ARHGAP15: variants seen among roughly 807,000 people sequenced by gnomAD.
ARHGAP15 encodes the protein rho GTPase-activating protein 15.
ARHGAP15 carries 51 observed loss-of-function variants against 63.7 expected under a neutral mutation model. The observed-to-expected ratio is 0.80, with a 90% CI of 0.64 to 1.01. The LOEUF (loss-of-function observed/expected upper bound fraction) is 1.01, where lower values mean the gene tolerates loss of function less well. ARHGAP15 is among the 50% of genes least tolerant of loss of function. The pLI, the probability that ARHGAP15 is intolerant of heterozygous loss-of-function variation, is 0.00. For synonymous variants in ARHGAP15, 191 were observed against 193.8 expected (o/e 0.99, Z 0.12); for missense variants, 560 against 564.6 (o/e 0.99, Z 0.08).
intron 11 of ARHGAP15, among the ~76,000 whole-genome samples, chr2:143,591,629 T>C (rs543202502): frequency 7.6e-4 from 98 of 128,614 alleles, no homozygotes; most frequent in African/African-American, 3.3e-3. Flanking sequence ...TTTTTTTTCT[T>C]TTTTTTTTTA....
At chr2:143,540,548 A>G (rs1041026495) in intron 10 of ARHGAP15, among the ~76,000 whole-genome samples, 2 of 152,056 alleles carry the variant, frequency 1.3e-5, no homozygotes, top group Non-Finnish European at 2.9e-5. Context: ...TGCTTCCTTC[A>G]GGAGCTCCTT....
At chr2:143,328,763 T>C (rs1398338001) in intron 6 of ARHGAP15, among the ~76,000 whole-genome samples, 1 of 151,696 alleles carries the variant, frequency 6.6e-6, no homozygotes, top group African/African-American at 2.4e-5. Context: ...AAACTACTAC[T>C]TCATAGCACA....
intron 12 of ARHGAP15, among the ~76,000 whole-genome samples, chr2:143,674,242 CT>C (rs918869815): frequency 6.6e-6 from 1 of 152,068 alleles, no homozygotes; most frequent in Admixed American, 6.6e-5. Flanking sequence ...TGAAAAATGA[CT>C]CATAAGCTCA....
chr2:143,732,918 T>TTTC (rs1685600416), intron 13 of ARHGAP15, among the ~76,000 whole-genome samples: 2 of 149,478 alleles, frequency 1.3e-5, no homozygotes, highest in African/African-American at 4.9e-5. Flanking sequence ...GGGTTTTTTT[T>TTTC]TTTTTTTTTT....
chr2:143,627,118 T>C (rs1030347275), intron 12 of ARHGAP15, among the ~76,000 whole-genome samples: 3 of 152,174 alleles, frequency 2.0e-5, no homozygotes, highest in African/African-American at 7.2e-5. Flanking sequence ...GTCTCATACT[T>C]CCAAGACTCC....
chr2:143,437,159 G>A, intron 8 of ARHGAP15, 117 bp downstream of exon 8: 1 of 1,216,046 alleles, frequency 8.2e-7, no homozygotes, highest in Non-Finnish European at 1.1e-6. Context: ...AAGATTCGTA[G>A]CCATTTCCTG....
At chr2:143,411,576 T>G (rs920006925) in intron 6 of ARHGAP15, among the ~76,000 whole-genome samples, 6 of 152,216 alleles carry the variant, frequency 3.9e-5, no homozygotes, top group African/African-American at 1.4e-4. Context: ...TTCATCTTTT[T>G]CTTGTGTACA....
intron 6 of ARHGAP15, among the ~76,000 whole-genome samples, chr2:143,430,275 A>T (rs1192359381): frequency 6.6e-6 from 1 of 151,950 alleles, no homozygotes; most frequent in East Asian, 1.9e-4. Context: ...TTTAACAAGT[A>T]ACATTTTTGG....
intron 6 of ARHGAP15, among the ~76,000 whole-genome samples, chr2:143,316,099 A>G (rs994657647): frequency 1.3e-5 from 2 of 152,132 alleles, no homozygotes; most frequent in African/African-American, 4.8e-5. Context: ...AAATAAAAAT[A>G]AAAATAAATA....
At chr2:143,219,509 A>G (rs1342974720) in intron 4 of ARHGAP15, among the ~76,000 whole-genome samples, 1 of 152,226 alleles carries the variant, frequency 6.6e-6, no homozygotes, top group African/African-American at 2.4e-5. Context: ...ATTCCAAACA[A>G]CATTTCAATA....
At chr2:143,752,220 G>C (rs1198264920) in intron 13 of ARHGAP15, among the ~76,000 whole-genome samples, 1 of 152,094 alleles carries the variant, frequency 6.6e-6, no homozygotes, top group South Asian at 2.1e-4. Flanking sequence ...CAATCAGTGA[G>C]CCTAGTTCTG....
chr2:143,658,794 A>C (rs890334076), intron 12 of ARHGAP15, among the ~76,000 whole-genome samples: 6 of 152,160 alleles, frequency 3.9e-5, no homozygotes, highest in Admixed American at 1.3e-4. Flanking sequence ...ATCTCAAACA[A>C]ACACTTCCTT....
intron 10 of ARHGAP15, among the ~76,000 whole-genome samples, chr2:143,520,860 G>A (rs896868194): frequency 2.0e-5 from 3 of 152,122 alleles, no homozygotes; most frequent in Non-Finnish European, 4.4e-5. Flanking sequence ...TAAGATGTGT[G>A]CATGTGTAAA....
chr2:143,538,197 T>C (rs1694870454), intron 10 of ARHGAP15, among the ~76,000 whole-genome samples: 1 of 152,184 alleles, frequency 6.6e-6, no homozygotes, highest in Non-Finnish European at 1.5e-5. Flanking sequence ...TATTGCTGTA[T>C]AGGAATGCTT....
At chr2:143,543,788 A>G (rs1040143593) in intron 10 of ARHGAP15, among the ~76,000 whole-genome samples, 2 of 152,172 alleles carry the variant, frequency 1.3e-5, no homozygotes, top group African/African-American at 4.8e-5. Flanking sequence ...ATGAGTTTAA[A>G]TAAGGGAACA....
chr2:143,594,217 G>A (rs1034398193), intron 11 of ARHGAP15, among the ~76,000 whole-genome samples: 6 of 152,158 alleles, frequency 3.9e-5, no homozygotes, highest in Non-Finnish European at 7.4e-5. Context: ...CGAGAGGAAT[G>A]CTGTAAAATA....
intron 2 of ARHGAP15, among the ~76,000 whole-genome samples, chr2:143,156,009 C>T (rs996416639): frequency 2.8e-5 from 4 of 144,566 alleles, no homozygotes; most frequent in African/African-American, 1.0e-4. Flanking sequence ...AAGCCAGAGG[C>T]TAAAATTAGC....
chr2:143,474,170 C>G (rs745401795), intron 8 of ARHGAP15, among the ~76,000 whole-genome samples: 1 of 151,998 alleles, frequency 6.6e-6, no homozygotes, highest in Non-Finnish European at 1.5e-5. Flanking sequence ...ATCCTCTTCC[C>G]CCAGGGAAAA....
intron 1 of ARHGAP15, among the ~76,000 whole-genome samples, chr2:143,143,122 C>G (rs1262635437): frequency 1.3e-5 from 2 of 152,080 alleles, no homozygotes; most frequent in African/African-American, 4.8e-5. Flanking sequence ...TAACCATCTC[C>G]TCCTCTGCCT....
Sources: gnomAD v4.1 joint callset for allele counts (sites outside exome capture counted in the v4.1 genomes callset) on GRCh38, gnomAD v4.1.1 for gene constraint, MANE v1.5 for transcripts, NCBI Gene and HGNC (gene_info 2026-07-23, HGNC 2026-07-21) for gene names.